B3GLCT: variants seen among roughly 807,000 people sequenced by gnomAD.
B3GLCT encodes the protein beta 3-glucosyltransferase, also known as beta-1,3-glucosyltransferase.
Under a neutral mutation model 63.4 loss-of-function variants are expected in B3GLCT, and 65 were observed. That is an observed-to-expected ratio of 1.03 (90% confidence interval 0.84 to 1.26). The LOEUF (loss-of-function observed/expected upper bound fraction) is 1.26. B3GLCT is among the 50% of genes most tolerant of loss of function. The pLI is 0.00. For synonymous variants in B3GLCT, 233 were observed against 219.2 expected (o/e 1.06, Z -0.55); for missense variants, 577 against 604.8 (o/e 0.95, Z 0.48).
intron 8 of B3GLCT, among the ~76,000 whole-genome samples, chr13:31,272,591 A>G (rs1250720653): frequency 2.0e-5 from 3 of 151,906 alleles, no homozygotes; most frequent in Non-Finnish European, 4.4e-5. Flanking sequence ...CTTTTCTGCT[A>G]TTTTAGAAGT....
intron 7 of B3GLCT, 90 bp from the exon 8 acceptor site, chr13:31,269,124 G>C: frequency 1.1e-6 from 1 of 894,628 alleles, no homozygotes; most frequent in South Asian, 1.4e-5. Flanking sequence ...ATGTTTATCT[G>C]TTTTCAAACA....
At chr13:31,283,729 C>T (rs1215327869) in intron 10 of B3GLCT, among the ~76,000 whole-genome samples, 1 of 152,066 alleles carries the variant, frequency 6.6e-6, no homozygotes, top group Admixed American at 6.5e-5. Context: ...TACATTGGAA[C>T]ATCAGTTTTT....
At chr13:31,267,284 C>G (rs1439790262) in intron 7 of B3GLCT, among the ~76,000 whole-genome samples, 1 of 152,240 alleles carries the variant, frequency 6.6e-6, no homozygotes, top group African/African-American at 2.4e-5. Flanking sequence ...CTAATCACAA[C>G]TTGGTGTTCC....
At chr13:31,275,016 C>T (rs1200149317) in intron 9 of B3GLCT, among the ~76,000 whole-genome samples, 5 of 152,208 alleles carry the variant, frequency 3.3e-5, no homozygotes, top group Admixed American at 6.5e-5. Context: ...ATCCATGTTG[C>T]TGCAAGTACA....
chr13:31,214,184 A>G (rs757191135), intron 1 of B3GLCT, among the ~76,000 whole-genome samples: 4 of 152,226 alleles, frequency 2.6e-5, no homozygotes, highest in African/African-American at 4.8e-5. Flanking sequence ...CTTTTAGTAC[A>G]TCACTGCCCT....
chr13:31,269,287 G>A lies in B3GLCT; in HGVS notation c.660+10G>A, dbSNP rs777767633. 8 of 1,581,946 alleles carry A rather than the reference G, an allele frequency of 5.1e-6. No homozygotes were observed. In the African/African-American group the frequency reaches 8.1e-5, roughly 16 times the overall value. ...AGATTTAAAACATGAGGTATGTCAT[G>A]TTTTGTTTGATTAAAAATCTTACTA... On this transcript the variant is annotated intron_variant, in intron 8 of 14. Coordinates refer to ENST00000343307, the MANE Select transcript of B3GLCT (RefSeq NM_194318.4).
rs573865666 is a variant in B3GLCT, at chr13:31,292,095, T to C, written c.1064+5276T>C. 1.7e-4 allele frequency among the ~76,000 whole-genome samples: 26 copies of C among 152,382 alleles called. No individual in the cohort carries two copies. The South Asian group carries it at 2.9e-3, about 17-fold the overall frequency. Reference sequence around the variant, plus strand: ...ATCATGTGGTTTTTGTCATTGGTTCTGTTTATGTAATGGATTACATTTATT... The same window carrying C: ...ATCATGTGGTTTTTGTCATTGGTTCCGTTTATGTAATGGATTACATTTATT... On this transcript the variant is annotated intron_variant, in intron 12 of 14. Transcript: ENST00000343307.
chr13:31,262,078 A>G (rs929495040), intron 7 of B3GLCT, among the ~76,000 whole-genome samples: 2 of 152,066 alleles, frequency 1.3e-5, no homozygotes, highest in African/African-American at 4.8e-5. Context: ...AGCATGGGGG[A>G]CCATTTGAAT....
intron 1 of B3GLCT, among the ~76,000 whole-genome samples, chr13:31,211,079 A>C (rs1213480072): frequency 6.6e-6 from 1 of 152,046 alleles, no homozygotes; most frequent in Non-Finnish European, 1.5e-5. Context: ...TGATTTATTT[A>C]GATTACACAA....
chr13:31,256,151 C>T (rs985716822), intron 6 of B3GLCT, among the ~76,000 whole-genome samples: 14 of 152,078 alleles, frequency 9.2e-5, no homozygotes, highest in Admixed American at 7.9e-4. Context: ...ATTCTCAAGA[C>T]ATTTATGCAG....
chr13:31,276,750 A>G lies in B3GLCT; in HGVS notation c.829A>G (p.Lys277Glu). 3 of 1,613,082 alleles carry G rather than the reference A, an allele frequency of 1.9e-6. No homozygotes were observed. The East Asian group carries it at 6.7e-5, about 36-fold the overall frequency. The part of the protein sequence containing the change: ...KDIFVAVKTC[K>E]KFHGDRIPIV... Reference sequence around the variant, plus strand: ...TATTTTTGTTGCAGTAAAAACATGCAAGAAATTTCATGGTGACAGAAGTAT... The same window carrying G: ...TATTTTTGTTGCAGTAAAAACATGCGAGAAATTTCATGGTGACAGAAGTAT... Residue 277 changes from lysine to glutamate, a missense_variant, in exon 10 of 15, where the codon AAG (lysine) becomes GAG (glutamate). Transcript: ENST00000343307.
intron 2 of B3GLCT, among the ~76,000 whole-genome samples, chr13:31,219,480 A>C (rs1869716532): frequency 6.6e-6 from 1 of 152,190 alleles, no homozygotes; most frequent in Non-Finnish European, 1.5e-5. Context: ...AGTGCTACCT[A>C]ATCCTGTGGT....
rs570128367 is a variant in B3GLCT at position 31,271,727 on chromosome 13, T to A, written c.660+2450T>A. 6.6e-5 allele frequency among the ~76,000 whole-genome samples: 10 copies of A among 152,358 alleles called. No individual in the cohort carries two copies. In the South Asian group the frequency reaches 2.1e-3, roughly 32 times the overall value. On this transcript the variant is annotated intron_variant, in intron 8 of 14. Transcript: ENST00000343307. ...TCAGATATTTTCTTCTTTACTTCAT[T>A]GCTTCAATCCTTCATTTTACTTTTG...
intron 3 of B3GLCT, among the ~76,000 whole-genome samples, chr13:31,227,885 A>G (rs1870179420): frequency 6.6e-6 from 1 of 152,212 alleles, no homozygotes. Context: ...GAAGGCTAGA[A>G]TTTACGTGGC....
intron 13 of B3GLCT, 36 bp from the exon 14 acceptor site, chr13:31,323,715 T>G (rs1875449520): frequency 5.0e-6 from 8 of 1,613,736 alleles, no homozygotes; most frequent in Non-Finnish European, 6.8e-6. Flanking sequence ...TCTGTGGAGC[T>G]TCTCTAACCC....
At chr13:31,244,347 C>T (rs1228188708) in intron 4 of B3GLCT, among the ~76,000 whole-genome samples, 1 of 152,044 alleles carries the variant, frequency 6.6e-6, no homozygotes. Context: ...CAAAAATTAG[C>T]CAGGCGTGGT....
chr13:31,271,206 C>T (rs1872562655), intron 8 of B3GLCT, among the ~76,000 whole-genome samples: 1 of 152,232 alleles, frequency 6.6e-6, no homozygotes, highest in Non-Finnish European at 1.5e-5. Flanking sequence ...CTCTGGGGGC[C>T]CTTCCCTATC....
chr13:31,326,197 C>T (rs1294250426), intron 14 of B3GLCT, among the ~76,000 whole-genome samples: 1 of 151,008 alleles, frequency 6.6e-6, no homozygotes, highest in Non-Finnish European at 1.5e-5. Context: ...TTTTAATCTC[C>T]ATTTGCTGCC....
chr13:31,249,659 G>A (rs972315060), intron 6 of B3GLCT, among the ~76,000 whole-genome samples: 2 of 152,166 alleles, frequency 1.3e-5, no homozygotes, highest in African/African-American at 4.8e-5. Flanking sequence ...TTCATGAAAA[G>A]CAAGTACAGA....
Sources: allele counts gnomAD v4.1 joint callset (sites outside exome capture counted in the v4.1 genomes callset), GRCh38; gene constraint gnomAD v4.1.1; transcripts MANE v1.5; gene names NCBI Gene and HGNC (gene_info 2026-07-23, HGNC 2026-07-21).